Variants in RSAD2 observed in about 807,000 individuals in gnomAD.
The protein encoded by RSAD2 is S-adenosylmethionine-dependent nucleotide dehydratase RSAD2.
RSAD2 carries 38 observed loss-of-function variants against 37.7 expected under a neutral mutation model. That is an observed-to-expected ratio of 1.01 (90% CI 0.78 to 1.32). RSAD2 has a LOEUF of 1.32. Among genes scored for constraint, RSAD2 ranks in the 40% most tolerant of loss-of-function variants. The pLI is 0.00. For missense variants in RSAD2, 428 were observed against 437.5 expected (o/e 0.98, Z 0.19); for synonymous variants, 163 against 157.4 (o/e 1.04, Z -0.27).
In RSAD2 at chr2:6,868,502, G is replaced by A. The variant is rs938250880; in HGVS notation, c.142+2457G>A. Among the ~76,000 whole-genome samples the A allele has an allele frequency of 5.9e-5, 9 of 152,164 alleles. No homozygotes were observed. In the South Asian group the frequency reaches 6.2e-4, roughly 11 times the overall value. On this transcript the variant is annotated intron_variant, in intron 1 of 5. Coordinates refer to the RSAD2 transcript ENST00000442639. ...CTCAGAAAATAAGAATTAATAAAAT[G>A]AGCCCAGGATAGAATGTTGAGTCTA...
chr2:6,885,712 T>G (rs932409815), intron 2 of RSAD2, among the ~76,000 whole-genome samples: 2 of 152,206 alleles, frequency 1.3e-5, no homozygotes, highest in Non-Finnish European at 2.9e-5. Flanking sequence ...TTACAGATCC[T>G]CAGATGACTT....
upstream of RSAD2, among the ~76,000 whole-genome samples, chr2:6,875,492 G>A (rs1445937101): frequency 6.6e-6 from 1 of 152,126 alleles, no homozygotes; most frequent in Non-Finnish European, 1.5e-5. Context: ...CCAGATGGTT[G>A]GGGTAGCCAA....
intron 1 of RSAD2, chr2:6,878,788 C>T: frequency 2.5e-6 from 3 of 1,182,048 alleles, no homozygotes; most frequent in Non-Finnish European, 3.2e-6. Flanking sequence ...ATCTGTTCTG[C>T]CTTCCGTCCT....
intron 1 of RSAD2, among the ~76,000 whole-genome samples, chr2:6,872,374 T>C (rs1162878839): frequency 2.0e-5 from 3 of 152,202 alleles, no homozygotes; most frequent in Admixed American, 2.0e-4. Context: ...AAAGCTTGTG[T>C]CTGTTGAAAT....
At chr2:6,883,714 C>T (rs1663462180) in intron 2 of RSAD2, 182 bp downstream of exon 2, 1 of 647,120 alleles carries the variant, frequency 1.5e-6, no homozygotes, top group Admixed American at 3.1e-5. Context: ...GTTTTAGTTC[C>T]TTAGGGCTCT....
chr2:6,893,040 T>C (rs1174400713), intron 4 of RSAD2, among the ~76,000 whole-genome samples: 1 of 152,228 alleles, frequency 6.6e-6, no homozygotes, highest in East Asian at 1.9e-4. Context: ...AGTTGATTAG[T>C]TGTGACAGAC....
chr2:6,877,978 A>G lies in RSAD2; in HGVS notation c.178A>G (p.Lys60Glu). Residue 60 changes from lysine (K) to glutamate (E), a missense_variant, in exon 1 of 6, where the codon AAA (lysine) becomes GAA (glutamate). By Grantham distance (56) the Lys-to-Glu change is moderately conservative. Transcript: ENST00000382040. Reference sequence around the variant, plus strand: ...GGTCCTGAGAGGGCCAGATGAGACCAAAGAGGAGGAAGAGGACCCTCCTCT... The same window carrying G: ...GGTCCTGAGAGGGCCAGATGAGACCGAAGAGGAGGAAGAGGACCCTCCTCT... ...QLVLRGPDET[K>E]EEEEDPPLPT... is the part of the protein sequence containing the mutation. 1.4e-5 allele frequency: 22 copies of G among 1,614,168 alleles called. No homozygotes were observed. Among genetic ancestry groups the G allele is most frequent in the Non-Finnish European group, 1.9e-5 (22 of 1,180,024 alleles).
intron 2 of RSAD2, among the ~76,000 whole-genome samples, chr2:6,884,651 A>G (rs1572157061): frequency 1.3e-5 from 2 of 152,182 alleles, no homozygotes; most frequent in African/African-American, 4.8e-5. Context: ...TTGTGGGAGA[A>G]AGTGGTATAA....
chr2:6,877,656 C>T (rs752650934), upstream of RSAD2: 47 of 637,454 alleles, frequency 7.4e-5, no homozygotes, highest in Non-Finnish European at 1.1e-4. Context: ...GTGGAAAAAT[C>T]GAAACTCTAA....
intron 4 of RSAD2, among the ~76,000 whole-genome samples, chr2:6,891,893 C>G (rs572883451): frequency 6.4e-4 from 98 of 152,112 alleles, no homozygotes; most frequent in Non-Finnish European, 1.1e-3. Context: ...CAAGCATATT[C>G]CAAAAATTTT....
intron 3 of RSAD2, 130 bp downstream of exon 3, chr2:6,887,294 T>G (rs1663543968): frequency 3.1e-6 from 2 of 645,798 alleles, no homozygotes; most frequent in East Asian, 5.5e-5. Context: ...AGAAGTCAGG[T>G]CCTTGGTCTT....
intron 1 of RSAD2, among the ~76,000 whole-genome samples, chr2:6,870,635 A>G (rs1663185908): frequency 6.6e-6 from 1 of 152,176 alleles, no homozygotes; most frequent in African/African-American, 2.4e-5. Context: ...TCTAGACTGC[A>G]AAGGGGAAAT....
chr2:6,889,445 C>T (rs1663587876), intron 3 of RSAD2, among the ~76,000 whole-genome samples: 1 of 152,178 alleles, frequency 6.6e-6, no homozygotes, highest in Non-Finnish European at 1.5e-5. Flanking sequence ...TCTCATCTGA[C>T]TATAGTGGCA....
At position 6,883,442 on chromosome 2, in the gene RSAD2, G is replaced by T. The variant is rs1031884614; in HGVS notation, c.418G>T (p.Val140Leu). The T allele has an allele frequency of 6.2e-7, 1 of 1,614,080 alleles. No homozygotes were observed. Among genetic ancestry groups the T allele is most frequent in the African/African-American group, 1.3e-5 (1 of 74,922 alleles). ...CCGGGGAGAATACCTGGGCAAGTTG[G>T]TGAGGTTCTGCAAAGTAGAGTTGCG... ...QDRGEYLGKL[V>L]RFCKVELRLP... is the part of the protein sequence containing the mutation. Residue 140 changes from valine to leucine, a missense_variant, in exon 2 of 6, where the codon GTG becomes TTG. By Grantham distance (32) the Val-to-Leu change is conservative. Coordinates refer to ENST00000382040, the MANE Select transcript of RSAD2 (RefSeq NM_080657.5).
chr2:6,876,250 G>A (rs1003304484), upstream of RSAD2, among the ~76,000 whole-genome samples: 1 of 152,190 alleles, frequency 6.6e-6, no homozygotes, highest in Non-Finnish European at 1.5e-5. Flanking sequence ...TTCCCCTGCA[G>A]TAGGGTTCCT....
Position 6,890,183 on chromosome 2 carries a change from A to G in RSAD2, c.746A>G (p.Gln249Arg), listed in dbSNP as rs1663601715. 1.9e-6 allele frequency: 3 copies of G among 1,614,172 alleles called. No homozygotes were observed. The highest frequency in any genetic ancestry group is 2.5e-6 in the Non-Finnish European group (3 of 1,179,990). The change falls in exon 4 of 6, where the codon CAG (glutamine) becomes CGG (arginine). Residue 249 changes from glutamine to arginine, a missense_variant. Gln to Arg is a conservative substitution (Grantham distance 43, BLOSUM62 1). Coordinates refer to ENST00000382040, the MANE Select transcript of RSAD2 (RefSeq NM_080657.5). Reference sequence around the variant, plus strand: ...ACTACCATTGCCTTTCAGGTGTTCCAGTGCCTCTTAATTGAGGGTGAGAAT... The same window carrying G: ...ACTACCATTGCCTTTCAGGTGTTCCGGTGCCTCTTAATTGAGGGTGAGAAT... ...ALNPVRWKVF[Q>R]CLLIEGENCG...
intron 1 of RSAD2, among the ~76,000 whole-genome samples, chr2:6,867,583 AT>A (rs745340345): frequency 2.6e-5 from 4 of 152,116 alleles, no homozygotes; most frequent in Non-Finnish European, 5.9e-5. Context: ...CCCCCCACAT[AT>A]CTGGGTTAGT....
upstream of RSAD2, among the ~76,000 whole-genome samples, chr2:6,873,132 A>G (rs1053172072): frequency 6.6e-5 from 10 of 152,102 alleles, no homozygotes; most frequent in African/African-American, 1.7e-4. Flanking sequence ...TTGTTCTGAC[A>G]CTGCTGTCAT....
chr2:6,885,168 C>T (rs1558336159), intron 2 of RSAD2, among the ~76,000 whole-genome samples: 2 of 152,166 alleles, frequency 1.3e-5, no homozygotes, highest in Non-Finnish European at 2.9e-5. Context: ...TCACCAGAGT[C>T]CAGAGAGTCC....
Sources: gnomAD v4.1 joint callset for allele counts (sites outside exome capture counted in the v4.1 genomes callset) on GRCh38, gnomAD v4.1.1 for gene constraint, MANE v1.5 for transcripts, NCBI Gene and HGNC (gene_info 2026-07-23, HGNC 2026-07-21) for gene names.